Variants in ZNF626 observed in about 807,000 individuals in gnomAD.
The protein encoded by ZNF626 is zinc finger protein 626.
A neutral mutation model predicts 11.7 loss-of-function variants in ZNF626; 4 were observed. The observed-to-expected ratio is 0.34, with a 90% confidence interval of 0.17 to 0.78. The LOEUF is 0.78. ZNF626 is among the 30% of genes least tolerant of loss of function. The pLI, the probability that ZNF626 is intolerant of heterozygous loss-of-function variation, is 0.57. For synonymous variants in ZNF626, 179 were observed against 198.6 expected (o/e 0.90, Z 0.83); for missense variants, 588 against 587.1 (o/e 1.00, Z -0.01).
At chr19:20,652,821 T>C (rs1970161768) in intron 1 of ZNF626, among the ~76,000 whole-genome samples, 1 of 152,192 alleles carries the variant, frequency 6.6e-6, no homozygotes, top group Non-Finnish European at 1.5e-5. Context: ...GCATGTTACC[T>C]GCACATTTGT....
Position 20,623,860 on chromosome 19 carries a change from A to G in ZNF626, c.*430T>C. On this transcript the variant is annotated 3_prime_UTR_variant, in exon 4 of 4. Coordinates refer to ENST00000601440, the MANE Select transcript of ZNF626 (RefSeq NM_001076675.3). ...GCTTTGCCACATTCTTCACACTTGTAGGGTTTCTTTCCAGTATGAATTATG... is the reference window on the plus strand; with the variant it reads ...GCTTTGCCACATTCTTCACACTTGTGGGGTTTCTTTCCAGTATGAATTATG... 2 of 336,594 alleles carry G rather than the reference A, an allele frequency of 5.9e-6. No individual in the cohort carries two copies. The highest frequency in any genetic ancestry group is 1.2e-5 in the Non-Finnish European group (2 of 173,176). The allele number at this position is 336,594 out of a possible 1,614,324, so 20.9% of individuals were successfully genotyped here. A position where few individuals can be genotyped will look rare whatever the true frequency, so the allele number is the denominator to read the frequency against.
chr19:20,628,104 T>C (rs1293410742), intron 3 of ZNF626, among the ~76,000 whole-genome samples: 1 of 152,190 alleles, frequency 6.6e-6, no homozygotes, highest in South Asian at 2.1e-4. Context: ...ACAAAGGACA[T>C]GAACTCATCA....
At chr19:20,632,375 C>T (rs553168496) in intron 3 of ZNF626, among the ~76,000 whole-genome samples, 10 of 152,314 alleles carry the variant, frequency 6.6e-5, no homozygotes, top group Non-Finnish European at 1.5e-4. Context: ...TAATATCCTG[C>T]AGAATGCTTT....
chr19:20,625,224 C>A lies in ZNF626; in HGVS notation c.653G>T (p.Arg218Ile). The A allele has an allele frequency of 5.0e-6, 8 of 1,608,368 alleles. No individual in the cohort carries two copies. The highest frequency in any genetic ancestry group is 6.8e-6 in the Non-Finnish European group (8 of 1,178,606). Residue 218 changes from arginine to isoleucine, a missense_variant, in exon 4 of 4, where the codon AGA becomes ATA. Physicochemically the swap from Arg to Ile is moderately conservative, Grantham distance 97 (BLOSUM62 -3). Around this residue, in one of 4 missense-constraint regions of ZNF626, gnomAD observed 524 missense variants for 470.1 expected, o/e 1.11. Transcript: ENST00000601440. ...KAFNHSCSLT[R>I]HKKIHTGEKP... ...CTCTCCAGTATGAATTTTCTTATGTCTAGTAAGGCTACAAGAGTGGTTAAA... is the reference window on the plus strand; with the variant it reads ...CTCTCCAGTATGAATTTTCTTATGTATAGTAAGGCTACAAGAGTGGTTAAA...
Position 20,625,503 on chromosome 19 carries a change from A to T in ZNF626, c.374T>A (p.Val125Glu). The T allele has an allele frequency of 6.2e-7, 1 of 1,613,940 alleles. No homozygotes were observed. The highest frequency in any genetic ancestry group is 1.7e-4 in the Middle Eastern group (1 of 6,058). Residue 125 changes from valine to glutamate, a missense_variant, in exon 4 of 4, where the codon GTG becomes GAG. Val to Glu is a moderately radical substitution (Grantham distance 121). Transcript: ENST00000601440. ...KGCISVDECK[V>E]HKEGYNELNQ... is the part of the protein sequence containing the mutation. Reference sequence around the variant, plus strand: ...AAGTTCATTATAACCTTCTTTGTGCACCTTACACTCATCCACACTTATACA... The same window carrying T: ...AAGTTCATTATAACCTTCTTTGTGCTCCTTACACTCATCCACACTTATACA...
chr19:20,659,587 CAGG>C (rs1970242164), intron 1 of ZNF626, among the ~76,000 whole-genome samples: 1 of 152,004 alleles, frequency 6.6e-6, no homozygotes, highest in East Asian at 1.9e-4. Context: ...CTCCATCCCT[CAGG>C]CTAGTGAGGG....
rs1461030805 is a variant in ZNF626, at chr19:20,655,116, A to C, written c.3+6328T>G. 2.0e-5 allele frequency among the ~76,000 whole-genome samples: 3 copies of C among 152,200 alleles called. No homozygotes were observed. In the East Asian group the frequency reaches 5.8e-4, roughly 29 times the overall value. Reference sequence around the variant, plus strand: ...AACAGAGTGAGACTGTCTCAAAAAAAAAAAAAATGAAAATATGGTTTAATT... The same window carrying C: ...AACAGAGTGAGACTGTCTCAAAAAACAAAAAAATGAAAATATGGTTTAATT... On this transcript the variant is annotated intron_variant, in intron 1 of 3. Transcript: ENST00000601440.
At chr19:20,627,816 A>G (rs897966097) in intron 3 of ZNF626, among the ~76,000 whole-genome samples, 13 of 152,178 alleles carry the variant, frequency 8.5e-5, no homozygotes. Context: ...TTTAGGGTAC[A>G]TGTGCACAAC....
chr19:20,645,519 T>TA, intron 3 of ZNF626, 165 bp downstream of exon 3: 2 of 1,566,478 alleles, frequency 1.3e-6, no homozygotes, highest in African/African-American at 1.4e-5. Context: ...TAAGCAAAAT[T>TA]AAAAAAGAAA....
At position 20,622,693 on chromosome 19, in the gene ZNF626, CTT is replaced by C. The variant is rs1356419147; in HGVS notation, c.*1595_*1596del. 16 of 152,280 alleles carry C rather than the reference CTT, an allele frequency of 1.1e-4. No individual in the cohort carries two copies. The highest frequency in any genetic ancestry group is 3.1e-4 in the African/African-American group (13 of 41,568). The allele number at this position is 152,280 out of a possible 1,614,324, so 9.4% of individuals were successfully genotyped here. On this transcript the variant is annotated 3_prime_UTR_variant, in exon 4 of 4. Coordinates refer to ENST00000601440, the MANE Select transcript of ZNF626 (RefSeq NM_001076675.3). The stretch of plus-strand genomic sequence containing the variant: ...AAAGTTATATACTAATTTATACAAA[CTT>C]ATATACAAATTTAACAACTTTAGTT...
At chr19:20,632,700 T>C (rs1312234333) in intron 3 of ZNF626, among the ~76,000 whole-genome samples, 1 of 152,212 alleles carries the variant, frequency 6.6e-6, no homozygotes, top group East Asian at 1.9e-4. Context: ...TAATTTTTTT[T>C]CAAAGCCTTT....
intron 3 of ZNF626, among the ~76,000 whole-genome samples, chr19:20,632,616 C>T (rs1449874833): frequency 3.3e-5 from 5 of 152,188 alleles, no homozygotes; most frequent in Non-Finnish European, 5.9e-5. Context: ...ACATAGCTCT[C>T]GTGCCTTGGT....
At chr19:20,654,475 G>C (rs782724403) in intron 1 of ZNF626, among the ~76,000 whole-genome samples, 1 of 151,854 alleles carries the variant, frequency 6.6e-6, no homozygotes, top group African/African-American at 2.4e-5. Flanking sequence ...TTGGGAGGCT[G>C]AGGTGGGCGG....
chr19:20,636,053 A>T (rs1197943146), intron 3 of ZNF626, among the ~76,000 whole-genome samples: 2 of 152,172 alleles, frequency 1.3e-5, no homozygotes, highest in Non-Finnish European at 2.9e-5. Context: ...AATGGCATGA[A>T]CCTAGAAGTT....
At chr19:20,633,148 T>G (rs1341112208) in intron 3 of ZNF626, among the ~76,000 whole-genome samples, 7 of 152,124 alleles carry the variant, frequency 4.6e-5, no homozygotes, top group Non-Finnish European at 1.0e-4. Flanking sequence ...CTCTGGAAGT[T>G]TTGTCTCAGA....
intron 1 of ZNF626, among the ~76,000 whole-genome samples, chr19:20,658,472 G>C (rs781973517): frequency 5.9e-5 from 9 of 152,192 alleles, no homozygotes; most frequent in Non-Finnish European, 1.2e-4. Context: ...TGGGAATCCT[G>C]TGGTGGCAGC....
In ZNF626 at chr19:20,648,359, TTTCTTC is replaced by T. The variant is rs137973666; in HGVS notation, c.4-1960_4-1955del. On this transcript the variant is annotated intron_variant, in intron 1 of 3. Transcript: ENST00000601440. The stretch of plus-strand genomic sequence containing the variant: ...AATGCCATCCCATTTAAATAAGCAT[TTTCTTC>T]TTCTTCTTCTTCTTCTTTTTTTTTT... 1.5e-3 allele frequency among the ~76,000 whole-genome samples: 225 copies of T among 146,180 alleles called. 2 individuals are homozygous for T. Among genetic ancestry groups the T allele is most frequent in the South Asian group, 2.4e-3 (11 of 4,674 alleles).
intron 1 of ZNF626, among the ~76,000 whole-genome samples, chr19:20,651,813 C>T (rs34015495): frequency 0.22 from 33,135 of 152,102 alleles, 3,993 homozygotes; most frequent in East Asian, 0.46. Flanking sequence ...TTTGCTAGCT[C>T]TTGTGTAAGA....
chr19:20,625,246 T>C lies in ZNF626; in HGVS notation c.631A>G (p.Asn211Asp). 2 of 1,613,782 alleles carry C rather than the reference T, an allele frequency of 1.2e-6. No homozygotes were observed. Among genetic ancestry groups the C allele is most frequent in the Non-Finnish European group, 1.7e-6 (2 of 1,179,990 alleles). The change falls in exon 4 of 4, where the codon AAC (asparagine) becomes GAC (aspartate). Residue 211 changes from asparagine to aspartate, a missense_variant. Coordinates refer to ENST00000601440, the MANE Select transcript of ZNF626 (RefSeq NM_001076675.3). Reference sequence around the variant, plus strand: ...TGTCTAGTAAGGCTACAAGAGTGGTTAAAGGCTTTGCCACATTCTTCACAT... The same window carrying C: ...TGTCTAGTAAGGCTACAAGAGTGGTCAAAGGCTTTGCCACATTCTTCACAT... ...YKCEECGKAF[N>D]HSCSLTRHKK...
Sources: allele counts gnomAD v4.1 joint callset (sites outside exome capture counted in the v4.1 genomes callset), GRCh38; gene constraint gnomAD v4.1.1; regional missense constraint gnomAD v4.1.1; transcripts MANE v1.5; gene names NCBI Gene and HGNC (gene_info 2026-07-23, HGNC 2026-07-21).